The following JHY variants were observed in gnomAD, a reference collection of about 807,000 sequenced individuals.
The protein encoded by JHY is junctional cadherin complex regulator.
JHY carries 69 observed loss-of-function variants against 78.0 expected under a neutral mutation model. The observed-to-expected ratio is 0.88, with a 90% CI of 0.73 to 1.08. The LOEUF (loss-of-function observed/expected upper bound fraction) is 1.08, where lower values mean the gene tolerates loss of function less well. Ranked by LOEUF, JHY falls within the 50% of genes least tolerant of loss-of-function variation. The pLI is 0.00. For missense variants in JHY, 944 were observed against 927.8 expected (o/e 1.02, Z -0.23); for synonymous variants, 368 against 342.6 (o/e 1.07, Z -0.82).
intron 5 of JHY, among the ~76,000 whole-genome samples, chr11:122,940,933 A>G (rs1270983620): frequency 2.6e-5 from 4 of 151,700 alleles, no homozygotes; most frequent in African/African-American, 9.7e-5. Flanking sequence ...AAAGTCTATT[A>G]CCATCATTAT....
intron 4 of JHY, among the ~76,000 whole-genome samples, chr11:122,925,906 A>C (rs575503944): frequency 3.3e-5 from 5 of 152,118 alleles, no homozygotes. Context: ...AGTTCCAGCT[A>C]TTCAGGAGGC....
intron 4 of JHY, among the ~76,000 whole-genome samples, chr11:122,925,281 A>C (rs1405220599): frequency 6.6e-6 from 1 of 152,192 alleles, no homozygotes; most frequent in Admixed American, 6.5e-5. Flanking sequence ...CACAGAAGGA[A>C]GGCATGGAAA....
chr11:122,901,998 T>C (rs1039261292), intron 2 of JHY, among the ~76,000 whole-genome samples: 1 of 152,014 alleles, frequency 6.6e-6, no homozygotes, highest in African/African-American at 2.4e-5. Context: ...GTCCATACCG[T>C]GTCTCACTGG....
chr11:122,951,646 ACAGT>A (rs1864088706), intron 6 of JHY, among the ~76,000 whole-genome samples: 1 of 152,220 alleles, frequency 6.6e-6, no homozygotes, highest in Non-Finnish European at 1.5e-5. Context: ...TCCTCACTGA[ACAGT>A]CAATGTCACT....
chr11:122,903,143 TCA>T (rs879916951), intron 2 of JHY, among the ~76,000 whole-genome samples: 2 of 152,240 alleles, frequency 1.3e-5, no homozygotes, highest in Non-Finnish European at 2.9e-5. Context: ...TTGTAGGACC[TCA>T]GTCGTATATG....
chr11:122,908,496 G>C (rs576365292), intron 3 of JHY, among the ~76,000 whole-genome samples: 40 of 152,182 alleles, frequency 2.6e-4, no homozygotes, highest in Non-Finnish European at 4.9e-4. Flanking sequence ...GAGATGCAAG[G>C]CTGGTGGTCC....
Position 122,925,015 on chromosome 11 carries a change from C to T in JHY, c.978+5C>T. Reference sequence around the variant, plus strand: ...CAAAGAGCACAACAGCTAAAGGTTACCTGCTAGATTGCATTTTAAGTGTGT... The same window carrying T: ...CAAAGAGCACAACAGCTAAAGGTTATCTGCTAGATTGCATTTTAAGTGTGT... On this transcript the variant is annotated splice_donor_5th_base_variant and intron_variant, in intron 4 of 8. Transcript: ENST00000227349. 2 of 1,597,434 alleles carry T rather than the reference C, an allele frequency of 1.3e-6. No individual in the cohort carries two copies. The highest frequency in any genetic ancestry group is 1.7e-6 in the Non-Finnish European group (2 of 1,164,936).
Position 122,961,313 on chromosome 11 carries a change from A to G in JHY, c.*1868A>G, listed in dbSNP as rs1256209948. Among the ~76,000 whole-genome samples, 1 of 113,266 alleles carries G rather than the reference A, an allele frequency of 8.8e-6. No homozygotes were observed. The highest frequency in any genetic ancestry group is 2.5e-4 in the South Asian group (1 of 3,984). 74.3% of individuals were successfully genotyped at this position (113,266 alleles called of 152,430 possible). A position where few individuals can be genotyped will look rare whatever the true frequency, so the allele number is the denominator to read the frequency against. On this transcript the variant is annotated 3_prime_UTR_variant, in exon 9 of 9. Coordinates refer to ENST00000227349, the MANE Select transcript of JHY (RefSeq NM_024806.4). The stretch of plus-strand genomic sequence containing the variant: ...TGAGTTGTTCCATGATCATTTTTTT[A>G]TTGTTGTTTTTTTTGCTGTTGTTGT...
rs1863737813 is a variant in JHY at position 122,935,648 on chromosome 11, A to G, written c.1634+573A>G. 6.6e-6 allele frequency among the ~76,000 whole-genome samples: 1 copy of G among 152,190 alleles called. No homozygotes were observed. The highest frequency in any genetic ancestry group is 2.4e-5 in the African/African-American group (1 of 41,450). On this transcript the variant is annotated intron_variant, in intron 5 of 8. Coordinates refer to ENST00000227349, the MANE Select transcript of JHY (RefSeq NM_024806.4). This position sits in a 1 kb window ranked among gnomAD's most constrained non-coding sequence, Gnocchi z 4.5. ...GGACAGAGGGACCCAGTCAAAAAAC[A>G]TCAGTGTGTTTGGGGGTTGCAAGTA...
rs1236700009 is a variant in JHY at position 122,959,822 on chromosome 11, TA to T, written c.*379del. 6.0e-6 allele frequency: 1 copy of T among 168,060 alleles called. No homozygotes were observed. Among genetic ancestry groups the T allele is most frequent in the Non-Finnish European group, 1.3e-5 (1 of 79,084 alleles). The allele number at this position is 168,060 out of a possible 1,614,324, so 10.4% of individuals were successfully genotyped here. On this transcript the variant is annotated 3_prime_UTR_variant, in exon 9 of 9. Transcript: ENST00000227349. ...CTGTGTTTCTCTCTTACCTTCCTAG[TA>T]AGAAAAACAAGTATAAACATTTCAG...
chr11:122,905,284 G>A (rs778594127), intron 3 of JHY: 33 of 1,612,568 alleles, frequency 2.0e-5, no homozygotes, highest in Admixed American at 3.3e-5. Flanking sequence ...CACCTCCTAT[G>A]GACATGTCCA....
intron 3 of JHY, among the ~76,000 whole-genome samples, chr11:122,915,082 C>T (rs553062246): frequency 1.3e-5 from 2 of 151,908 alleles, no homozygotes; most frequent in Non-Finnish European, 2.9e-5. Flanking sequence ...AAAGCATGCC[C>T]CTTTGAAAAC....
At chr11:122,921,598 C>T (rs1164834422) in intron 3 of JHY, among the ~76,000 whole-genome samples, 1 of 152,062 alleles carries the variant, frequency 6.6e-6, no homozygotes, top group African/African-American at 2.4e-5. Context: ...GGATTGAAAC[C>T]TTTGCTATAA....
At position 122,962,012 on chromosome 11, in the gene JHY, A is replaced by G. The variant is rs577282026; in HGVS notation, c.*2567A>G. On this transcript the variant is annotated 3_prime_UTR_variant, in exon 9 of 9. Coordinates refer to ENST00000227349, the MANE Select transcript of JHY (RefSeq NM_024806.4). ...GCCATTTTGCCATCACAAATATCTTAAAATATTGTCAAATGTGTGTTTTCA... is the reference window on the plus strand; with the variant it reads ...GCCATTTTGCCATCACAAATATCTTGAAATATTGTCAAATGTGTGTTTTCA... Among the ~76,000 whole-genome samples, 2 of 152,248 alleles carry G rather than the reference A, an allele frequency of 1.3e-5. No homozygotes were observed. Among genetic ancestry groups the G allele is most frequent in the African/African-American group, 4.8e-5 (2 of 41,556 alleles).
rs535153000 is a variant in JHY at position 122,935,590 on chromosome 11, A to T, written c.1634+515A>T. Among the ~76,000 whole-genome samples the T allele has an allele frequency of 6.6e-6, 1 of 152,090 alleles. No homozygotes were observed. The highest frequency in any genetic ancestry group is 2.1e-4 in the South Asian group (1 of 4,824). ...TCTTCCCTGTCTCCGCTATTTTTCC[A>T]CTGTAGTTAAACTAGAAGTTGAAGG... On this transcript the variant is annotated intron_variant, in intron 5 of 8. Coordinates refer to ENST00000227349, the MANE Select transcript of JHY (RefSeq NM_024806.4). This position sits in a 1 kb window ranked among gnomAD's most constrained non-coding sequence, Gnocchi z 4.5.
intron 6 of JHY, among the ~76,000 whole-genome samples, chr11:122,950,379 T>C (rs1244507428): frequency 6.6e-6 from 1 of 152,166 alleles, no homozygotes; most frequent in Non-Finnish European, 1.5e-5. Context: ...GGGACTAAAT[T>C]TAGCTCAAAC....
chr11:122,911,824 G>C (rs1863131980), intron 3 of JHY, among the ~76,000 whole-genome samples: 1 of 131,112 alleles, frequency 7.6e-6, no homozygotes, highest in Non-Finnish European at 1.6e-5. Context: ...AGATACGCTT[G>C]AACCCGGGAG....
At chr11:122,952,171 A>G (rs1256250813) in intron 6 of JHY, among the ~76,000 whole-genome samples, 6 of 152,040 alleles carry the variant, frequency 3.9e-5, no homozygotes, top group Non-Finnish European at 8.8e-5. Flanking sequence ...AGTAACTGCT[A>G]ATGGGGACAG....
chr11:122,949,159 G>A (rs1338093128), intron 6 of JHY, among the ~76,000 whole-genome samples: 1 of 152,088 alleles, frequency 6.6e-6, no homozygotes, highest in East Asian at 1.9e-4. Context: ...GCTGTAACAT[G>A]GTGCATGCTG....
Sources: allele counts gnomAD v4.1 joint callset (sites outside exome capture counted in the v4.1 genomes callset), GRCh38; gene constraint gnomAD v4.1.1; non-coding constraint Gnocchi (gnomAD v3.1); transcripts MANE v1.5; gene names NCBI Gene and HGNC (gene_info 2026-07-23, HGNC 2026-07-21).